The following PGM3 variants were observed in gnomAD, a reference collection of about 807,000 sequenced individuals.
PGM3 encodes phosphoacetylglucosamine mutase.
Under a neutral mutation model 66.2 loss-of-function variants are expected in PGM3, and 40 were observed. That is an observed-to-expected ratio of 0.60 (90% CI 0.47 to 0.79). PGM3 has a LOEUF of 0.79. Ranked by LOEUF, PGM3 falls within the 30% of genes least tolerant of loss-of-function variation. The pLI is 0.00. For synonymous variants in PGM3, 191 were observed against 224.2 expected, an observed-to-expected ratio of 0.85 and a Z score of 1.32; for missense variants, 537 against 643.4, an observed-to-expected ratio of 0.83 and a Z score of 1.79.
chr6:83,191,298 GCA>G, intron 1 of PGM3: 1 of 1,446,252 alleles, frequency 6.9e-7, no homozygotes, highest in Non-Finnish European at 9.4e-7. Flanking sequence ...TGGACGCCGG[GCA>G]CACTTAAATT....
chr6:83,175,858 T>C, intron 9 of PGM3, 104 bp downstream of exon 9: 1 of 627,400 alleles, frequency 1.6e-6, no homozygotes. Flanking sequence ...CACATCCAAT[T>C]ATTTCAACAA....
the PGM3 span, chr6:83,153,745 T>A: frequency 8.5e-7 from 1 of 1,173,312 alleles, no homozygotes; most frequent in Non-Finnish European, 1.2e-6. Context: ...TATAATTGTT[T>A]AAAAAAATTC....
chr6:83,160,002 G>T, downstream of PGM3: 1 of 1,599,994 alleles, frequency 6.3e-7, no homozygotes, highest in Non-Finnish European at 8.5e-7. Flanking sequence ...TTTTGAAAGT[G>T]CATTTGCTTT....
chr6:83,161,199 C>G (rs1784154646), downstream of PGM3: 1 of 152,150 alleles, frequency 6.6e-6, no homozygotes, highest in Middle Eastern at 3.4e-3. Context: ...TCTTCCATGA[C>G]AAGAACCAAA....
At chr6:83,170,677 C>CA in intron 11 of PGM3, 199 bp from the exon 12 acceptor site, 1 of 514,018 alleles carries the variant, frequency 1.9e-6, no homozygotes, top group Non-Finnish European at 3.4e-6. Context: ...TTACCTTTGG[C>CA]AAAAAATATT....
intron 5 of PGM3, among the ~76,000 whole-genome samples, chr6:83,182,361 C>A (rs527816301): frequency 6.6e-6 from 1 of 152,140 alleles, no homozygotes; most frequent in Non-Finnish European, 1.5e-5. Context: ...GCTATCCTCA[C>A]CCCAAATTAT....
At position 83,167,047 on chromosome 6, in the gene PGM3, AG is replaced by A. The variant is rs777771220; in HGVS notation, c.*2186del. ...GTCTGTAGCTGTGTTTGTGTAATTC[AG>A]GTGGCTTCTCAAACTAGCCTCTTAA... is the stretch of plus-strand genomic sequence containing the variant. On this transcript the variant is annotated 3_prime_UTR_variant, in exon 13 of 13. Transcript: ENST00000513973. The A allele has an allele frequency of 5.1e-5, 50 of 985,372 alleles. No individual in the cohort carries two copies. In the East Asian group the frequency reaches 1.6e-3, roughly 31 times the overall value. 61.0% of individuals were successfully genotyped at this position (985,372 alleles called of 1,614,324 possible).
downstream of PGM3, chr6:83,156,175 A>G (rs1782741414): frequency 1.6e-6 from 2 of 1,272,300 alleles, no homozygotes; most frequent in Non-Finnish European, 2.2e-6. Context: ...ACTTCTCTAA[A>G]TACTAAGTTG....
At chr6:83,172,346 G>A (rs1457583273) in intron 10 of PGM3, among the ~76,000 whole-genome samples, 2 of 152,148 alleles carry the variant, frequency 1.3e-5, no homozygotes, top group African/African-American at 4.8e-5. Context: ...AGGCTGCAGT[G>A]TGCTGTGATA....
intron 11 of PGM3, chr6:83,170,927 T>A (rs1786958818): frequency 6.4e-6 from 1 of 155,160 alleles, no homozygotes; most frequent in South Asian, 2.0e-4. Flanking sequence ...CATAAACATG[T>A]ACAGAAATCA....
intron 2 of PGM3, among the ~76,000 whole-genome samples, chr6:83,189,650 A>G (rs1215805164): frequency 6.6e-6 from 1 of 152,234 alleles, no homozygotes; most frequent in Non-Finnish European, 1.5e-5. Flanking sequence ...ATCAAATAGA[A>G]GCATATTATT....
chr6:83,191,007 A>C lies in PGM3; in HGVS notation c.6T>G (p.Asp2Glu). Residue 2 changes from aspartate (D) to glutamate (E), a missense_variant, in exon 2 of 13, where the codon GAT becomes GAG. Transcript: ENST00000513973. M[D>E]LGAITKYSAL... is the part of the protein sequence containing the mutation. The stretch of plus-strand genomic sequence containing the variant: ...CTGAGTATTTTGTAATAGCACCTAA[A>C]TCCATGTCTACAAAATTAAGAAATA... The C allele has an allele frequency of 6.2e-7, 1 of 1,612,360 alleles. No homozygotes were observed. Among genetic ancestry groups the C allele is most frequent in the African/African-American group, 1.3e-5 (1 of 75,002 alleles).
At chr6:83,193,557 G>T (rs1404702656), upstream of PGM3, 2 of 152,232 alleles carry the variant, frequency 1.3e-5, no homozygotes, top group Non-Finnish European at 2.9e-5. Context: ...GGGGCGGCAG[G>T]CCCTGCGTTC....
At chr6:83,155,298 C>CAA in the PGM3 span, among the ~76,000 whole-genome samples, 27 of 57,760 alleles carry the variant, frequency 4.7e-4, no homozygotes, top group Non-Finnish European at 6.1e-4. Context: ...CCCAGCTCTA[C>CAA]AAAAAAAAAA....
chr6:83,158,643 A>G (rs759537212), downstream of PGM3: 3 of 1,555,512 alleles, frequency 1.9e-6, no homozygotes, highest in Non-Finnish European at 2.6e-6. Flanking sequence ...ATTTAAATAT[A>G]TTGTTGTCCA....
At chr6:83,175,933 T>C in intron 9 of PGM3, 29 bp downstream of exon 9, 2 of 1,277,400 alleles carry the variant, frequency 1.6e-6, no homozygotes, top group South Asian at 1.2e-5. Flanking sequence ...AAGTGCCAGC[T>C]AAGGCCAACT....
downstream of PGM3, among the ~76,000 whole-genome samples, chr6:83,159,492 T>C (rs1368766264): frequency 2.0e-5 from 3 of 151,984 alleles, no homozygotes; most frequent in African/African-American, 4.8e-5. Context: ...GGTTTCATCA[T>C]GTTGCCCAGG....
intron 10 of PGM3, 44 bp downstream of exon 10, chr6:83,174,330 T>C (rs755437008): frequency 1.0e-6 from 1 of 1,000,432 alleles, no homozygotes; most frequent in South Asian, 1.4e-5. Context: ...ATCTTCTGAA[T>C]AATGTAAAGG....
At position 83,190,980 on chromosome 6, in the gene PGM3, T is replaced by C. The variant is rs150763574; in HGVS notation, c.33A>G (p.Ala11=). The change falls in exon 2 of 13, where the codon GCA becomes GCG. Residue 11 remains alanine (A), a synonymous_variant. Transcript: ENST00000513973. Reference sequence around the variant, plus strand: ...TCAGTCCATTGGGCTTGGCGTGTAATGCTGAGTATTTTGTAATAGCACCTA... The same window carrying C: ...TCAGTCCATTGGGCTTGGCGTGTAACGCTGAGTATTTTGTAATAGCACCTA... The part of the protein sequence containing the change: MDLGAITKYS[A]LHAKPNGLIL... 7.5e-4 allele frequency: 1,217 copies of C among 1,614,090 alleles called. 6 individuals are homozygous for C. In the African/African-American group the frequency reaches 0.014, roughly 19 times the overall value.
Sources: gnomAD v4.1 joint callset for allele counts (sites outside exome capture counted in the v4.1 genomes callset) on GRCh38, gnomAD v4.1.1 for gene constraint, MANE v1.5 for transcripts, NCBI Gene and HGNC (gene_info 2026-07-23, HGNC 2026-07-21) for gene names.